CNTNAP2: variants seen among roughly 807,000 people sequenced by gnomAD.
CNTNAP2 encodes contactin associated protein 2.
In CNTNAP2, 98 loss-of-function variants were observed where a neutral mutation model predicts 155.2. That is an observed-to-expected ratio of 0.63 (90% CI 0.54 to 0.75). CNTNAP2 has a LOEUF of 0.75. Ranked by LOEUF, CNTNAP2 falls within the 30% of genes least tolerant of loss-of-function variation. The probability of loss-of-function intolerance (pLI) is 0.00; values close to 1 mark genes in which losing one functional copy is unlikely to be tolerated. For synonymous variants in CNTNAP2, 651 were observed against 631.2 expected (o/e 1.03, Z -0.47); for missense variants, 1,727 against 1,688.1 (o/e 1.02, Z -0.40).
rs148587418 is a variant in CNTNAP2 at position 148,340,976 on chromosome 7, A to G, written c.3476-42673A>G. Among the ~76,000 whole-genome samples, 4 of 152,378 alleles carry G rather than the reference A, an allele frequency of 2.6e-5. No individual in the cohort carries two copies. The East Asian group carries it at 7.7e-4, about 29-fold the overall frequency. Reference sequence around the variant, plus strand: ...AGTTTATTTCACAAACGGGAGGTCTAGACAGCCTTTGTTTCTTCTGAACGG... The same window carrying G: ...AGTTTATTTCACAAACGGGAGGTCTGGACAGCCTTTGTTTCTTCTGAACGG... On this transcript the variant is annotated intron_variant, in intron 21 of 23. Transcript: ENST00000361727.
At chr7:146,489,903 G>T (rs1797114074) in intron 1 of CNTNAP2, among the ~76,000 whole-genome samples, 1 of 151,914 alleles carries the variant, frequency 6.6e-6, no homozygotes, top group East Asian at 1.9e-4. Flanking sequence ...ATGCAAAAAA[G>T]GTTAAAACAA....
intron 11 of CNTNAP2, among the ~76,000 whole-genome samples, chr7:147,509,649 C>T (rs1798980876): frequency 6.6e-6 from 1 of 152,084 alleles, no homozygotes; most frequent in African/African-American, 2.4e-5. Flanking sequence ...ACACTTTAAG[C>T]TGGCTTACAT....
intron 12 of CNTNAP2, among the ~76,000 whole-genome samples, chr7:147,592,638 T>C (rs1800759641): frequency 6.6e-6 from 1 of 152,202 alleles, no homozygotes. Context: ...CTGTTTTCTT[T>C]ACATTTCACT....
At chr7:147,573,242 A>G (rs538347379) in intron 12 of CNTNAP2, among the ~76,000 whole-genome samples, 1 of 152,264 alleles carries the variant, frequency 6.6e-6, no homozygotes, top group Non-Finnish European at 1.5e-5. Context: ...GAAGTTGTCA[A>G]AAAATCTGTT....
chr7:147,272,613 C>T, intron 8 of CNTNAP2, among the ~76,000 whole-genome samples: 1 of 152,212 alleles, frequency 6.6e-6, no homozygotes, highest in Non-Finnish European at 1.5e-5. Context: ...ATTCTCCTGC[C>T]TCAGCCTCTC....
chr7:148,004,717 T>A (rs1296502948), intron 15 of CNTNAP2, among the ~76,000 whole-genome samples: 1 of 152,258 alleles, frequency 6.6e-6, no homozygotes, highest in Admixed American at 6.5e-5. Context: ...AAATGCTTCA[T>A]CTTTCATTAC....
At chr7:148,176,059 C>T (rs952846292) in intron 18 of CNTNAP2, among the ~76,000 whole-genome samples, 2 of 152,076 alleles carry the variant, frequency 1.3e-5, no homozygotes, top group African/African-American at 4.8e-5. Context: ...ACTAGGAAGA[C>T]AGGGCTGGAT....
At chr7:146,422,248 A>G (rs1232140131) in intron 1 of CNTNAP2, among the ~76,000 whole-genome samples, 1 of 151,138 alleles carries the variant, frequency 6.6e-6, no homozygotes, top group Non-Finnish European at 1.5e-5. Context: ...TATTACAGAA[A>G]ACATTGCAAT....
intron 3 of CNTNAP2, among the ~76,000 whole-genome samples, chr7:146,981,613 A>G (rs991735806): frequency 6.6e-6 from 1 of 152,150 alleles, no homozygotes; most frequent in Non-Finnish European, 1.5e-5. Flanking sequence ...GTAATATTTC[A>G]GTTTTATTAT....
intron 11 of CNTNAP2, among the ~76,000 whole-genome samples, chr7:147,498,664 G>A (rs2116663149): frequency 6.6e-6 from 1 of 152,286 alleles, no homozygotes; most frequent in Non-Finnish European, 1.5e-5. Flanking sequence ...TATACATATA[G>A]ATGAGATATT....
chr7:146,435,565 TCTCA>T (rs1796231448), intron 1 of CNTNAP2, among the ~76,000 whole-genome samples: 1 of 152,156 alleles, frequency 6.6e-6, no homozygotes, highest in Non-Finnish European at 1.5e-5. Context: ...AATTTTAAAA[TCTCA>T]GTTCCTTGTA....
At chr7:146,720,257 C>T (rs1432019325) in intron 1 of CNTNAP2, among the ~76,000 whole-genome samples, 1 of 152,088 alleles carries the variant, frequency 6.6e-6, no homozygotes, top group Non-Finnish European at 1.5e-5. Flanking sequence ...AAAATGCTGT[C>T]AGCACAGTTT....
At chr7:147,050,529 A>G (rs191775105) in intron 4 of CNTNAP2, among the ~76,000 whole-genome samples, 50 of 152,316 alleles carry the variant, frequency 3.3e-4, no homozygotes, top group African/African-American at 1.2e-3. Flanking sequence ...CCTGAGAAAA[A>G]AAGAAAACAT....
intron 1 of CNTNAP2, among the ~76,000 whole-genome samples, chr7:146,213,836 CATT>C (rs1799073095): frequency 1.3e-5 from 2 of 152,158 alleles, no homozygotes; most frequent in African/African-American, 2.4e-5. Flanking sequence ...AAGATGCCAT[CATT>C]GTTTTTCCAT....
At chr7:148,358,233 C>T (rs374908063) in intron 21 of CNTNAP2, among the ~76,000 whole-genome samples, 3 of 152,222 alleles carry the variant, frequency 2.0e-5, no homozygotes, top group East Asian at 1.9e-4. Context: ...TTCATCATTT[C>T]GAGGCGCCTG....
At chr7:148,266,899 T>C (rs889115790) in intron 20 of CNTNAP2, 134 bp from the exon 21 acceptor site, 8 of 829,298 alleles carry the variant, frequency 9.6e-6, no homozygotes, top group Admixed American at 9.6e-5. Context: ...GGGTGGTGTT[T>C]TAGAGTCAGT....
At chr7:147,562,373 A>G in intron 12 of CNTNAP2, 116 bp downstream of exon 12, 1 of 1,285,952 alleles carries the variant, frequency 7.8e-7, no homozygotes, top group Non-Finnish European at 1.1e-6. Flanking sequence ...TCTAATCAGC[A>G]ACATATTGCT....
At chr7:147,383,239 A>T (rs1342642129) in intron 9 of CNTNAP2, among the ~76,000 whole-genome samples, 1 of 152,174 alleles carries the variant, frequency 6.6e-6, no homozygotes, top group African/African-American at 2.4e-5. Flanking sequence ...TCTTCATAAA[A>T]ATTAATGCAT....
intron 1 of CNTNAP2, among the ~76,000 whole-genome samples, chr7:146,700,556 G>A (rs145143158): frequency 6.6e-6 from 1 of 152,200 alleles, no homozygotes; most frequent in East Asian, 1.9e-4. Context: ...AAAACTACCT[G>A]TGACAATGAA....
Sources: gnomAD v4.1 joint callset for allele counts (sites outside exome capture counted in the v4.1 genomes callset) on GRCh38, gnomAD v4.1.1 for gene constraint, MANE v1.5 for transcripts, NCBI Gene and HGNC (gene_info 2026-07-23, HGNC 2026-07-21) for gene names.